The following SLC4A4 variants were observed in gnomAD, a reference collection of about 807,000 sequenced individuals.
SLC4A4 encodes electrogenic sodium bicarbonate cotransporter 1.
A neutral mutation model predicts 111.5 loss-of-function variants in SLC4A4; 27 were observed. The observed-to-expected ratio is 0.24, with a 90% confidence interval of 0.18 to 0.33. The LOEUF is 0.33. Ranked by LOEUF, SLC4A4 falls within the 10% of genes least tolerant of loss-of-function variation. SLC4A4 has a pLI of 1.00. For missense variants in SLC4A4, 909 were observed against 1,315.5 expected (o/e 0.69, Z 4.78); for synonymous variants, 443 against 463.4 (o/e 0.96, Z 0.57).
intron 1 of SLC4A4, among the ~76,000 whole-genome samples, chr4:71,204,077 G>C (rs989752141): frequency 8.5e-5 from 13 of 152,200 alleles, no homozygotes; most frequent in Admixed American, 2.0e-4. Flanking sequence ...ATCAAAAGGA[G>C]AGGAAGATTC....
At chr4:71,265,260 G>A (rs1248731542) in intron 3 of SLC4A4, among the ~76,000 whole-genome samples, 3 of 152,126 alleles carry the variant, frequency 2.0e-5, no homozygotes, top group Non-Finnish European at 2.9e-5. Flanking sequence ...GACTGAGTGC[G>A]AGTGGGGAAC....
At chr4:71,560,925 G>T (rs1736927803) in intron 23 of SLC4A4, among the ~76,000 whole-genome samples, 1 of 151,752 alleles carries the variant, frequency 6.6e-6, no homozygotes, top group South Asian at 2.1e-4. Flanking sequence ...TTTTTCTTTA[G>T]GAGACCAGCT....
chr4:71,092,379 T>TATTTTAAAAATGAATATTG (rs1420652103), intron 1 of SLC4A4, among the ~76,000 whole-genome samples: 3 of 152,242 alleles, frequency 2.0e-5, no homozygotes, highest in African/African-American at 7.2e-5. Context: ...TGTTGACAGA[T>TATTTTAAAAATGAATATTG]ATTTTAAAAA....
chr4:71,496,384 G>A (rs190779521), intron 15 of SLC4A4, among the ~76,000 whole-genome samples: 10 of 152,164 alleles, frequency 6.6e-5, no homozygotes, highest in African/African-American at 2.2e-4. Context: ...AGACAGGGAA[G>A]TAGTTAAACA....
At chr4:71,424,514 T>A (rs924661444) in intron 7 of SLC4A4, among the ~76,000 whole-genome samples, 1 of 151,926 alleles carries the variant, frequency 6.6e-6, no homozygotes, top group African/African-American at 2.4e-5. Context: ...GGACTATAAA[T>A]CATGCTGCTA....
At chr4:71,511,223 A>G (rs1419253564) in intron 16 of SLC4A4, among the ~76,000 whole-genome samples, 1 of 152,084 alleles carries the variant, frequency 6.6e-6, no homozygotes, top group Non-Finnish European at 1.5e-5. Context: ...ATACTTTCAA[A>G]TGTTTTTCAG....
intron 16 of SLC4A4, among the ~76,000 whole-genome samples, chr4:71,511,539 CT>C (rs1731918221): frequency 6.6e-6 from 1 of 151,796 alleles, no homozygotes; most frequent in Non-Finnish European, 1.5e-5. Context: ...TGATCTGGGC[CT>C]TTGATACTTT....
At chr4:71,545,317 A>T (rs184508912) in intron 18 of SLC4A4, among the ~76,000 whole-genome samples, 1 of 151,964 alleles carries the variant, frequency 6.6e-6, no homozygotes, top group African/African-American at 2.4e-5. Flanking sequence ...CTGTAACAAG[A>T]TCTGAATGAT....
chr4:71,117,084 C>T (rs1000049966), intron 2 of SLC4A4, among the ~76,000 whole-genome samples: 1 of 152,154 alleles, frequency 6.6e-6, no homozygotes, highest in Non-Finnish European at 1.5e-5. Flanking sequence ...CCAAGTGATC[C>T]TTTCACCTCA....
chr4:71,156,615 TAC>T (rs1560749563), intron 2 of SLC4A4, among the ~76,000 whole-genome samples: 1 of 121,082 alleles, frequency 8.3e-6, no homozygotes, highest in African/African-American at 2.8e-5. Flanking sequence ...CACACACACA[TAC>T]ACATTGTGAT....
At chr4:71,087,264 T>G (rs1292044604) in intron 1 of SLC4A4, among the ~76,000 whole-genome samples, 1 of 143,852 alleles carries the variant, frequency 7.0e-6, no homozygotes, top group Non-Finnish European at 1.5e-5. Context: ...CCCTTTATCA[T>G]TTTTTTTTGC....
At chr4:71,069,475 C>T (rs2148929455) in intron 1 of SLC4A4, among the ~76,000 whole-genome samples, 1 of 152,288 alleles carries the variant, frequency 6.6e-6, no homozygotes, top group Non-Finnish European at 1.5e-5. Context: ...ACAGGCTGCA[C>T]CAGCTTTGGT....
chr4:71,083,434 T>C (rs1742050207), intron 1 of SLC4A4, among the ~76,000 whole-genome samples: 1 of 152,028 alleles, frequency 6.6e-6, no homozygotes, highest in Admixed American at 6.5e-5. Context: ...TTTTTCCTAC[T>C]CTTCCAACTC....
intron 1 of SLC4A4, among the ~76,000 whole-genome samples, chr4:71,075,228 C>T (rs1741778278): frequency 6.6e-6 from 1 of 152,176 alleles, no homozygotes; most frequent in African/African-American, 2.4e-5. Flanking sequence ...ATGTTAGGAT[C>T]TTAAAGTGGA....
chr4:71,307,262 C>G (rs1170616991), intron 3 of SLC4A4, among the ~76,000 whole-genome samples: 1 of 152,130 alleles, frequency 6.6e-6, no homozygotes, highest in Non-Finnish European at 1.5e-5. Flanking sequence ...ATAACCTCAC[C>G]CAGGGCATTG....
intron 3 of SLC4A4, among the ~76,000 whole-genome samples, chr4:71,283,514 C>T (rs1319142964): frequency 6.6e-6 from 1 of 152,066 alleles, no homozygotes; most frequent in Non-Finnish European, 1.5e-5. Flanking sequence ...GAAGGCCACT[C>T]TTCTCTAATA....
At chr4:71,328,914 T>A (rs1325472962) in intron 3 of SLC4A4, among the ~76,000 whole-genome samples, 1 of 152,148 alleles carries the variant, frequency 6.6e-6, no homozygotes, top group Non-Finnish European at 1.5e-5. Context: ...TCCTGGAGTT[T>A]CCCCAATGTT....
chr4:71,177,682 A>G (rs1745141739), intron 2 of SLC4A4, among the ~76,000 whole-genome samples: 1 of 152,148 alleles, frequency 6.6e-6, no homozygotes, highest in Non-Finnish European at 1.5e-5. Flanking sequence ...CATAAAGCAC[A>G]TCCTTAGTGA....
intron 2 of SLC4A4, among the ~76,000 whole-genome samples, chr4:71,107,119 A>C (rs919298906): frequency 7.9e-5 from 12 of 151,862 alleles, no homozygotes; most frequent in African/African-American, 2.9e-4. Context: ...CTAAAGTGAG[A>C]TATGTTATCT....
Sources: allele counts gnomAD v4.1 joint callset (sites outside exome capture counted in the v4.1 genomes callset), GRCh38; gene constraint gnomAD v4.1.1; transcripts MANE v1.5; gene names NCBI Gene and HGNC (gene_info 2026-07-23, HGNC 2026-07-21).